The following AGL variants were observed in gnomAD, a reference collection of about 807,000 sequenced individuals.
AGL encodes glycogen debranching enzyme.
AGL carries 128 observed loss-of-function variants against 199.3 expected under a neutral mutation model. The ratio of observed to expected loss-of-function variants is 0.64; its 90% confidence interval spans 0.56 to 0.74. AGL has a LOEUF of 0.74. Among genes scored for constraint, AGL ranks in the 30% least tolerant of loss-of-function variants. The pLI, the probability that AGL is intolerant of heterozygous loss-of-function variation, is 0.00. For synonymous variants in AGL, 584 were observed against 594.7 expected (o/e 0.98, Z 0.26); for missense variants, 1,809 against 1,820.8 (o/e 0.99, Z 0.12).
intron 2 of AGL, chr1:99,852,773 G>T (rs1649086758): frequency 5.2e-6 from 4 of 776,388 alleles, no homozygotes; most frequent in African/African-American, 1.7e-5. Context: ...AATAATACAT[G>T]AATTTTTTGT....
At position 99,875,366 on chromosome 1, in the gene AGL, T is replaced by C. The variant is rs771739331; in HGVS notation, c.1194T>C (p.Asn398=). ...AATTTAATGTTTTTCAGGCAGTTAA[T>C]TGCCTTTTGGGAAATGTGTTTTATG... ...LINYHQEQAV[N]CLLGNVFYER... Residue 398 remains asparagine (N), a synonymous_variant, in exon 10 of 34, where the codon AAT becomes AAC. Coordinates refer to ENST00000361915, the MANE Select transcript of AGL (RefSeq NM_000642.3). 1.9e-6 allele frequency: 3 copies of C among 1,614,152 alleles called. No individual in the cohort carries two copies. Among genetic ancestry groups the C allele is most frequent in the African/African-American group, 1.3e-5 (1 of 75,050 alleles).
At chr1:99,898,550 T>G (rs907518778) in intron 25 of AGL, among the ~76,000 whole-genome samples, 1 of 152,206 alleles carries the variant, frequency 6.6e-6, no homozygotes, top group African/African-American at 2.4e-5. Context: ...CTAGCTGCCA[T>G]AAATTATAAA....
rs769125225 is a variant in AGL at position 99,875,342 on chromosome 1, A to G, written c.1186-16A>G. 1.9e-6 allele frequency: 3 copies of G among 1,613,852 alleles called. No individual in the cohort carries two copies. The highest frequency in any genetic ancestry group is 2.2e-5 in the East Asian group (1 of 44,870). On this transcript the variant is annotated splice_polypyrimidine_tract_variant and intron_variant, in intron 9 of 33. Coordinates refer to ENST00000361915, the MANE Select transcript of AGL (RefSeq NM_000642.3). ...TTGAGGATGGTGATGATCTAACACA[A>G]TTTAATGTTTTTCAGGCAGTTAATT...
At chr1:99,902,576 C>T (rs1653926575) in intron 26 of AGL, 107 bp from the exon 27 acceptor site, 1 of 927,402 alleles carries the variant, frequency 1.1e-6, no homozygotes, top group Non-Finnish European at 1.8e-6. Flanking sequence ...CTATTTCTCA[C>T]TTCAAAGGAA....
chr1:99,912,338 G>T lies in AGL; in HGVS notation c.3837-67G>T, dbSNP rs190328362. ...ATATGATTCATTACAATTGTTTACC[G>T]AATGCCCTTTAAATAGTACTTAAAG... is the stretch of plus-strand genomic sequence containing the variant. On this transcript the variant is annotated intron_variant, in intron 28 of 33. Transcript: ENST00000361915. 46 of 1,155,762 alleles carry T rather than the reference G, an allele frequency of 4.0e-5. No homozygotes were observed. In the East Asian group the frequency reaches 8.3e-4, roughly 21 times the overall value. 71.6% of individuals were successfully genotyped at this position (1,155,762 alleles called of 1,614,324 possible).
chr1:99,879,844 T>G, intron 12 of AGL, 79 bp from the exon 13 acceptor site: 1 of 1,197,120 alleles, frequency 8.4e-7, no homozygotes, highest in Non-Finnish European at 1.2e-6. Flanking sequence ...TGCCTCCTTT[T>G]GTCTCTTTCC....
intron 2 of AGL, among the ~76,000 whole-genome samples, chr1:99,857,443 T>C (rs1202864898): frequency 6.6e-6 from 1 of 151,984 alleles, no homozygotes; most frequent in Non-Finnish European, 1.5e-5. Flanking sequence ...CTCGGCACTT[T>C]GGGAGGCCAA....
intron 5 of AGL, among the ~76,000 whole-genome samples, chr1:99,867,010 G>C (rs943710940): frequency 1.3e-5 from 2 of 151,842 alleles, no homozygotes; most frequent in Non-Finnish European, 2.9e-5. Context: ...GTAGAGATGG[G>C]GTTTCTTCAT....
rs542462353 is a variant in AGL at position 99,875,363 on chromosome 1, T to C, written c.1191T>C (p.Val397=). ...CACAATTTAATGTTTTTCAGGCAGTTAATTGCCTTTTGGGAAATGTGTTTT... is the reference window on the plus strand; with the variant it reads ...CACAATTTAATGTTTTTCAGGCAGTCAATTGCCTTTTGGGAAATGTGTTTT... ...RLINYHQEQA[V]NCLLGNVFYE... The change falls in exon 10 of 34, where the codon GTT becomes GTC. Residue 397 remains valine (V), a synonymous_variant. Transcript: ENST00000361915. 8.7e-6 allele frequency: 14 copies of C among 1,614,164 alleles called. No homozygotes were observed. The highest frequency in any genetic ancestry group is 1.2e-5 in the Non-Finnish European group (14 of 1,180,006).
At chr1:99,913,785 G>A (rs1557791353) in intron 30 of AGL, 47 bp downstream of exon 30, 6 of 1,555,318 alleles carry the variant, frequency 3.9e-6, no homozygotes, top group Non-Finnish European at 5.3e-6. Context: ...ATGTGCTAGA[G>A]TTTGCTTAGT....
intron 7 of AGL, among the ~76,000 whole-genome samples, chr1:99,873,867 G>A (rs1439669882): frequency 1.5e-4 from 23 of 152,024 alleles, no homozygotes; most frequent in Non-Finnish European, 3.4e-4. Flanking sequence ...TTGTTTTTTT[G>A]TTCGTGTTTT....
chr1:99,889,642 A>G (rs903092203), intron 21 of AGL, among the ~76,000 whole-genome samples: 5 of 152,190 alleles, frequency 3.3e-5, no homozygotes, highest in African/African-American at 1.2e-4. Context: ...ATCAGATTTG[A>G]GTAATTATCT....
At chr1:99,896,833 CAG>C (rs371468614) in intron 25 of AGL, among the ~76,000 whole-genome samples, 2,045 of 152,082 alleles carry the variant, frequency 0.013, 34 homozygotes, top group South Asian at 0.082. Flanking sequence ...GTTTTTGAGA[CAG>C]AGTCTCGCAC....
rs766145135 is a variant in AGL, at chr1:99,881,701, T to G, written c.2308+10T>G. On this transcript the variant is annotated intron_variant, in intron 17 of 33. Transcript: ENST00000361915. ...CAAATGTGCATCCCTGGTAATGCAATCTAAAAATTGTTACTGTATTTGTAT... is the reference window on the plus strand; with the variant it reads ...CAAATGTGCATCCCTGGTAATGCAAGCTAAAAATTGTTACTGTATTTGTAT... 6.2e-7 allele frequency: 1 copy of G among 1,611,824 alleles called. No individual in the cohort carries two copies. The highest frequency in any genetic ancestry group is 8.5e-7 in the Non-Finnish European group (1 of 1,178,092).
chr1:99,904,916 C>T (rs984497394), intron 27 of AGL, among the ~76,000 whole-genome samples: 14 of 152,106 alleles, frequency 9.2e-5, no homozygotes, highest in Non-Finnish European at 1.5e-4. Context: ...TTGGCTAATA[C>T]GAGTAAAGCT....
chr1:99,880,722 T>G lies in AGL; in HGVS notation c.1826T>G (p.Leu609Trp). The change falls in exon 14 of 34, where the codon TTG becomes TGG. Residue 609 changes from leucine to tryptophan, a missense_variant. Transcript: ENST00000361915. ...EPVGSFVQPC[L>W]RPLMPAIAHA... ...GTTGGATCCTTTGTTCAGCCCTGTT[T>G]GAGGCCTTTAATGCCAGCTATTGCA... is the stretch of plus-strand genomic sequence containing the variant. 1 of 1,614,092 alleles carries G rather than the reference T, an allele frequency of 6.2e-7. No homozygotes were observed. Among genetic ancestry groups the G allele is most frequent in the Non-Finnish European group, 8.5e-7 (1 of 1,179,960 alleles).
chr1:99,890,266 T>A (rs1434468913), intron 21 of AGL, among the ~76,000 whole-genome samples: 2 of 152,314 alleles, frequency 1.3e-5, no homozygotes, highest in East Asian at 3.9e-4. Context: ...TCTAAAACAC[T>A]GTTTTCCTTA....
chr1:99,916,653 T>A lies in AGL; in HGVS notation c.4403T>A (p.Leu1468Ter). The change falls in exon 33 of 34, where the codon TTG becomes TAG. Residue 1468 changes from leucine (L) to a stop codon, truncating the protein, a stop_gained. Coordinates refer to ENST00000361915, the MANE Select transcript of AGL (RefSeq NM_000642.3). LOFTEE classifies it high-confidence loss of function. Reference sequence around the variant, plus strand: ...CGTGCAAAATTATATTTTTCCAGATTGATGGGCCCGGAGACTACTGCAAAG... The same window carrying A: ...CGTGCAAAATTATATTTTTCCAGATAGATGGGCCCGGAGACTACTGCAAAG... ...FLRAKLYFSR[L>*]MGPETTAKTI... 1 of 1,613,252 alleles carries A rather than the reference T, an allele frequency of 6.2e-7. No homozygotes were observed. The highest frequency in any genetic ancestry group is 8.5e-7 in the Non-Finnish European group (1 of 1,179,468).
In AGL at chr1:99,892,427, T is replaced by TA; in HGVS notation, c.3084-4dup. Reference sequence around the variant, plus strand: ...AAGTAATAAATTCAATCACTTTTGTTACAGCTTTGTTCAGAATGGTTCAAC... The same window carrying TA: ...AAGTAATAAATTCAATCACTTTTGTTAACAGCTTTGTTCAGAATGGTTCAAC... On this transcript the variant is annotated splice_polypyrimidine_tract_variant and splice_region_variant and intron_variant, in intron 23 of 33. Transcript: ENST00000361915. 1 of 1,613,182 alleles carries TA rather than the reference T, an allele frequency of 6.2e-7. No homozygotes were observed. Among genetic ancestry groups the TA allele is most frequent in the Non-Finnish European group, 8.5e-7 (1 of 1,179,344 alleles).
Sources: allele counts gnomAD v4.1 joint callset (sites outside exome capture counted in the v4.1 genomes callset), GRCh38; gene constraint gnomAD v4.1.1; transcripts MANE v1.5; gene names NCBI Gene and HGNC (gene_info 2026-07-23, HGNC 2026-07-21).